Variants in ARNT observed in about 807,000 individuals in gnomAD.
ARNT encodes the protein aryl hydrocarbon receptor nuclear translocator.
ARNT carries 30 observed loss-of-function variants against 105.0 expected under a neutral mutation model. That is an observed-to-expected ratio of 0.29 (90% CI 0.21 to 0.39). The LOEUF is 0.39. Among genes scored for constraint, ARNT ranks in the 10% least tolerant of loss-of-function variants. The probability of loss-of-function intolerance (pLI) is 1.00; values close to 1 mark genes in which losing one functional copy is unlikely to be tolerated. For synonymous variants in ARNT, 304 were observed against 344.0 expected, an observed-to-expected ratio of 0.88 and a Z score of 1.29; for missense variants, 748 against 978.7, an observed-to-expected ratio of 0.76 and a Z score of 3.15.
chr1:150,823,133 GT>G, intron 14 of ARNT, 60 bp downstream of exon 14: 1 of 1,400,228 alleles, frequency 7.1e-7, no homozygotes, highest in East Asian at 2.5e-5. Flanking sequence ...GGCATCAGAA[GT>G]GTTTTCTGTT....
chr1:150,836,324 T>C lies in ARNT; in HGVS notation c.656A>G (p.Asp219Gly), dbSNP rs765839596. 7.4e-6 allele frequency: 12 copies of C among 1,614,168 alleles called. No individual in the cohort carries two copies. The highest frequency in any genetic ancestry group is 1.0e-5 in the Non-Finnish European group (12 of 1,180,028). The change falls in exon 7 of 22, where the codon GAT (aspartate) becomes GGT (glycine). Residue 219 changes from aspartate (D) to glycine (G), a missense_variant. By Grantham distance (94) the Asp-to-Gly change is moderately conservative. Around this residue, in one of 4 missense-constraint regions of ARNT, gnomAD observed 291 missense variants for 444.6 expected, o/e 0.65. Transcript: ENST00000358595. ...AGTGGAAAGCTGCTCACGAAGTTTA[T>C]CCACATCATCTGGGTGCACCTGATC... ...LYDQVHPDDV[D>G]KLREQLSTSE...
At chr1:150,815,276 C>T (rs982751623) in intron 19 of ARNT, among the ~76,000 whole-genome samples, 2 of 151,940 alleles carry the variant, frequency 1.3e-5, no homozygotes, top group Admixed American at 6.6e-5. Flanking sequence ...CGGCTGGATG[C>T]GGTGGCTCAT....
chr1:150,868,302 G>C (rs1340609592), intron 1 of ARNT, among the ~76,000 whole-genome samples: 1 of 151,906 alleles, frequency 6.6e-6, no homozygotes, highest in Non-Finnish European at 1.5e-5. Context: ...AAAGAGTCAA[G>C]ACCCTGTCTC....
chr1:150,873,655 ACACCTATAATCC>A (rs1667814837), intron 1 of ARNT, among the ~76,000 whole-genome samples: 1 of 152,152 alleles, frequency 6.6e-6, no homozygotes, highest in South Asian at 2.1e-4. Context: ...TCAGTGGCTC[ACACCTATAATCC>A]CAGCAGTTTA....
In ARNT at chr1:150,852,789, T is replaced by A. The variant is rs1663869446; in HGVS notation, c.155A>T (p.Asp52Val). ...CAAAAATTTACTGTTCCCTTCTCCA[T>A]CATCATCAAAATCCAGCCTGAGGAA... ...KRRPGLDFDD[D>V]GEGNSKFLRC... is the part of the protein sequence containing the mutation. The change falls in exon 3 of 22, where the codon GAT becomes GTT. Residue 52 changes from aspartate to valine, a missense_variant. Coordinates refer to ENST00000358595, the MANE Select transcript of ARNT (RefSeq NM_001668.4). 3 of 1,614,012 alleles carry A rather than the reference T, an allele frequency of 1.9e-6. No individual in the cohort carries two copies. The highest frequency in any genetic ancestry group is 1.1e-5 in the South Asian group (1 of 91,070).
chr1:150,874,451 T>C (rs778394054), intron 1 of ARNT, among the ~76,000 whole-genome samples: 6 of 152,236 alleles, frequency 3.9e-5, no homozygotes, highest in Non-Finnish European at 8.8e-5. Flanking sequence ...TTGGAGAGAC[T>C]GAGGCAAGGC....
chr1:150,855,377 A>C (rs1571429096), intron 2 of ARNT, among the ~76,000 whole-genome samples: 5 of 148,098 alleles, frequency 3.4e-5, no homozygotes, highest in Admixed American at 2.7e-4. Flanking sequence ...ATATGGTAAA[A>C]CCCCGTCTCT....
intron 13 of ARNT, among the ~76,000 whole-genome samples, chr1:150,824,458 CTT>C (rs923773809): frequency 1.6e-4 from 22 of 138,500 alleles, no homozygotes; most frequent in Non-Finnish European, 2.1e-4. Flanking sequence ...TTTTCTTTTT[CTT>C]TTTTTTTTTT....
Position 150,811,889 on chromosome 1 carries a change from G to A in ARNT, c.*132C>T, listed in dbSNP as rs1654799698. 1 of 527,436 alleles carries A rather than the reference G, an allele frequency of 1.9e-6. No homozygotes were observed. The highest frequency in any genetic ancestry group is 3.4e-5 in the East Asian group (1 of 29,306). 32.7% of individuals were successfully genotyped at this position (527,436 alleles called of 1,614,324 possible). On this transcript the variant is annotated 3_prime_UTR_variant, in exon 22 of 22. Coordinates refer to ENST00000358595, the MANE Select transcript of ARNT (RefSeq NM_001668.4). ...AACAGAGCAGGGGAACAGCCAGAAG[G>A]GAAAGGGGGTACATGTCAGGGGTGA... is the stretch of plus-strand genomic sequence containing the variant.
intron 1 of ARNT, among the ~76,000 whole-genome samples, chr1:150,859,948 A>G (rs1402270142): frequency 1.3e-5 from 2 of 151,832 alleles, no homozygotes; most frequent in Admixed American, 6.6e-5. Flanking sequence ...TCGAGGCTGC[A>G]GTGAGTCGTG....
At position 150,851,133 on chromosome 1, in the gene ARNT, C is replaced by T. The variant is rs1158939745; in HGVS notation, c.182+1629G>A. Reference sequence around the variant, plus strand: ...GTGAGGAGCATCTCCGCCCGGCAGCCGCCCCGTCCGGGAGGTGGGGGGCAG... The same window carrying T: ...GTGAGGAGCATCTCCGCCCGGCAGCTGCCCCGTCCGGGAGGTGGGGGGCAG... On this transcript the variant is annotated intron_variant, in intron 3 of 21. Transcript: ENST00000358595. 1.8e-4 allele frequency among the ~76,000 whole-genome samples: 27 copies of T among 151,248 alleles called. No homozygotes were observed. In the East Asian group the frequency reaches 4.1e-3, roughly 23 times the overall value.
intron 21 of ARNT, 127 bp from the exon 22 acceptor site, chr1:150,812,237 C>G (rs1329464618): frequency 9.1e-6 from 5 of 551,604 alleles, no homozygotes; most frequent in Non-Finnish European, 1.4e-5. Context: ...AGCTCTTAGC[C>G]TTCCTTACTT....
chr1:150,820,517 C>T (rs186272544), intron 14 of ARNT, among the ~76,000 whole-genome samples: 320 of 152,126 alleles, frequency 2.1e-3, no homozygotes, highest in African/African-American at 7.3e-3. Context: ...ATTAGCCAGG[C>T]GTCTTGGTAG....
At chr1:150,850,395 C>A (rs1441585542) in intron 3 of ARNT, among the ~76,000 whole-genome samples, 1 of 152,232 alleles carries the variant, frequency 6.6e-6, no homozygotes, top group Admixed American at 6.5e-5. Flanking sequence ...GATTCTCCTG[C>A]CTCAGCCTGC....
intron 7 of ARNT, among the ~76,000 whole-genome samples, chr1:150,835,996 G>C (rs1371866997): frequency 6.6e-6 from 1 of 150,408 alleles, no homozygotes; most frequent in African/African-American, 2.4e-5. Context: ...AATTCTTTTA[G>C]AACGGAAAAA....
At chr1:150,861,921 A>T (rs1017561324) in intron 1 of ARNT, among the ~76,000 whole-genome samples, 2 of 152,196 alleles carry the variant, frequency 1.3e-5, no homozygotes, top group Non-Finnish European at 2.9e-5. Context: ...TGCCCACTGC[A>T]GGCTAATGTA....
At position 150,836,503 on chromosome 1, in the gene ARNT, A is replaced by T; in HGVS notation, c.487-10T>A. The T allele has an allele frequency of 6.2e-7, 1 of 1,611,824 alleles. No homozygotes were observed. Among genetic ancestry groups the T allele is most frequent in the Non-Finnish European group, 8.5e-7 (1 of 1,178,942 alleles). On this transcript the variant is annotated splice_polypyrimidine_tract_variant and intron_variant, in intron 6 of 21. Coordinates refer to ENST00000358595, the MANE Select transcript of ARNT (RefSeq NM_001668.4). ...TCAAATGTTTCAGTTCCTGCGCAAG[A>T]AAAAGAAATAGAAGTTAATATTTTA...
intron 1 of ARNT, among the ~76,000 whole-genome samples, chr1:150,873,246 A>G (rs1667747104): frequency 6.6e-6 from 1 of 150,794 alleles, no homozygotes; most frequent in African/African-American, 2.4e-5. Flanking sequence ...CCAAGATAGC[A>G]CCACTGCACT....
At chr1:150,814,411 T>G (rs1368798325) in intron 19 of ARNT, among the ~76,000 whole-genome samples, 172 bp from the exon 20 acceptor site, 1 of 152,216 alleles carries the variant, frequency 6.6e-6, no homozygotes, top group Non-Finnish European at 1.5e-5. Flanking sequence ...TTGACACTAT[T>G]TTTTAGGCAG....
Sources: allele counts gnomAD v4.1 joint callset (sites outside exome capture counted in the v4.1 genomes callset), GRCh38; gene constraint gnomAD v4.1.1; regional missense constraint gnomAD v4.1.1; transcripts MANE v1.5; gene names NCBI Gene and HGNC (gene_info 2026-07-23, HGNC 2026-07-21).